The following ZBTB40 variants were observed in gnomAD, a reference collection of about 807,000 sequenced individuals.
ZBTB40 encodes the protein zinc finger and BTB domain-containing protein 40.
ZBTB40 carries 60 observed loss-of-function variants against 117.5 expected under a neutral mutation model. The observed-to-expected ratio is 0.51, with a 90% CI of 0.41 to 0.63. The LOEUF is 0.63. ZBTB40 is among the 30% of genes least tolerant of loss of function. ZBTB40 has a pLI of 0.00. For synonymous variants in ZBTB40, 525 were observed against 577.1 expected, an observed-to-expected ratio of 0.91 and a Z score of 1.29; for missense variants, 1,287 against 1,498.5, an observed-to-expected ratio of 0.86 and a Z score of 2.33.
Position 22,527,706 on chromosome 1 carries a change from CCCTT to C in ZBTB40, c.*1317_*1320del, listed in dbSNP as rs895185787. 3.3e-5 allele frequency: 5 copies of C among 152,414 alleles called. No homozygotes were observed. Among genetic ancestry groups the C allele is most frequent in the African/African-American group, 1.2e-4 (5 of 41,470 alleles). The allele number at this position is 152,414 out of a possible 1,614,324, so 9.4% of individuals were successfully genotyped here. On this transcript the variant is annotated 3_prime_UTR_variant, in exon 18 of 18. Transcript: ENST00000375647. ...CCCACACTGGCAGAGATGGGGCCACCCCTTCCTTCCAGGCACATCTCACATTGCC... is the reference window on the plus strand; with the variant it reads ...CCCACACTGGCAGAGATGGGGCCACCCCTTCCAGGCACATCTCACATTGCC...
intron 1 of ZBTB40, among the ~76,000 whole-genome samples, chr1:22,460,489 G>A (rs905711265): frequency 2.6e-5 from 4 of 151,958 alleles, no homozygotes. Context: ...AAAATACCAG[G>A]CAGTGTACTA....
chr1:22,485,130 GT>G (rs1229517969), intron 1 of ZBTB40, among the ~76,000 whole-genome samples: 1 of 152,148 alleles, frequency 6.6e-6, no homozygotes, highest in East Asian at 1.9e-4. Context: ...TCTCTGTGTG[GT>G]TTTGGTAGAG....
intron 11 of ZBTB40, among the ~76,000 whole-genome samples, chr1:22,512,511 T>G (rs1246707086): frequency 1.3e-5 from 2 of 152,238 alleles, no homozygotes; most frequent in Non-Finnish European, 2.9e-5. Context: ...GTGCCACTTG[T>G]TTCTTGGTAA....
At chr1:22,470,727 A>G (rs535537120) in intron 1 of ZBTB40, among the ~76,000 whole-genome samples, 4 of 152,322 alleles carry the variant, frequency 2.6e-5, no homozygotes, top group African/African-American at 9.6e-5. Context: ...GCCACAGAAG[A>G]GTCTAGGAAC....
At chr1:22,517,603 A>G (rs1569881779) in intron 13 of ZBTB40, 139 bp downstream of exon 13, 1 of 980,960 alleles carries the variant, frequency 1.0e-6, no homozygotes, top group East Asian at 2.6e-5. Flanking sequence ...TGCAAAACCC[A>G]GAGTCCCTCA....
intron 1 of ZBTB40, among the ~76,000 whole-genome samples, chr1:22,460,446 GATAATA>G (rs1462757281): frequency 6.6e-6 from 1 of 152,112 alleles, no homozygotes; most frequent in African/African-American, 2.4e-5. Context: ...ACATCATGTT[GATAATA>G]ATAGTTACCA....
intron 1 of ZBTB40, among the ~76,000 whole-genome samples, chr1:22,475,412 C>T (rs79578091): frequency 0.022 from 3,299 of 152,282 alleles, 86 homozygotes; most frequent in Non-Finnish European, 0.033. Context: ...TCCATAACAG[C>T]GATAGCAGTT....
intron 1 of ZBTB40, among the ~76,000 whole-genome samples, chr1:22,455,540 T>G (rs1640985777): frequency 6.6e-6 from 1 of 152,148 alleles, no homozygotes; most frequent in Admixed American, 6.5e-5. Context: ...TAATGCAATG[T>G]TAAACAACAA....
At chr1:22,450,282 G>T (rs1212196953), upstream of ZBTB40, among the ~76,000 whole-genome samples, 1 of 152,178 alleles carries the variant, frequency 6.6e-6, no homozygotes. Flanking sequence ...CACCTACTAT[G>T]TGCCAAGCAC....
At position 22,522,945 on chromosome 1, in the gene ZBTB40, C is replaced by CTTTTTTTTTTTTTT. The variant is rs34232963; in HGVS notation, c.3298+489_3298+502dup. On this transcript the variant is annotated intron_variant, in intron 16 of 17. Coordinates refer to ENST00000375647, the MANE Select transcript of ZBTB40 (RefSeq NM_014870.4). ...CCATGCTCGACTAAATAAGATGTAC[C>CTTTTTTTTTTTTTT]TTTTTTTTTTTTTTTTTTTTGAGAT... Among the ~76,000 whole-genome samples, 11 of 93,908 alleles carry CTTTTTTTTTTTTTT rather than the reference C, an allele frequency of 1.2e-4. 2 individuals carry two copies. Among genetic ancestry groups the CTTTTTTTTTTTTTT allele is most frequent in the Non-Finnish European group, 2.3e-4 (11 of 48,178 alleles). The allele number at this position is 93,908 out of a possible 152,430, so 61.6% of individuals were successfully genotyped here. A position where few individuals can be genotyped will look rare whatever the true frequency, so the allele number is the denominator to read the frequency against.
At chr1:22,451,098 A>G (rs973451838), upstream of ZBTB40, among the ~76,000 whole-genome samples, 1 of 152,208 alleles carries the variant, frequency 6.6e-6, no homozygotes, top group Non-Finnish European at 1.5e-5. Flanking sequence ...GCTAGGACTA[A>G]ATCCCAAAGC....
At chr1:22,457,767 AT>A (rs1250458375) in intron 1 of ZBTB40, among the ~76,000 whole-genome samples, 2 of 152,210 alleles carry the variant, frequency 1.3e-5, no homozygotes, top group Non-Finnish European at 2.9e-5. Context: ...AGGTGATTCT[AT>A]TTCTTATTTT....
At position 22,491,556 on chromosome 1, in the gene ZBTB40, C is replaced by T. The variant is rs373987648; in HGVS notation, c.831+23C>T. 42 of 1,612,412 alleles carry T rather than the reference C, an allele frequency of 2.6e-5. 1 individual carries two copies. In the African/African-American group the frequency reaches 4.1e-4, roughly 16 times the overall value. ...GAGGTAGGCACCTCTGACTTTTGTA[C>T]TTGTTTGCTAGTTTAGTGTTCTCAG... is the stretch of plus-strand genomic sequence containing the variant. On this transcript the variant is annotated intron_variant, in intron 3 of 17. Coordinates refer to ENST00000375647, the MANE Select transcript of ZBTB40 (RefSeq NM_014870.4).
chr1:22,431,380 G>GTATATATA (rs1299801234), intron 1 of ZBTB40, among the ~76,000 whole-genome samples: 16 of 15,260 alleles, frequency 1.0e-3, no homozygotes, highest in African/African-American at 1.5e-3. Flanking sequence ...GTGTGTGTGT[G>GTATATATA]TGTGTATATA....
chr1:22,469,879 T>C lies in ZBTB40; in HGVS notation c.-70+17875T>C, dbSNP rs116107654. ...TGGCAGTGGATTGGGAAATTTGTAA[T>C]CATATGTTTGCATATATTTTGGGCA... On this transcript the variant is annotated intron_variant, in intron 1 of 17. Coordinates refer to ENST00000375647, the MANE Select transcript of ZBTB40 (RefSeq NM_014870.4). Among the ~76,000 whole-genome samples, 1,356 of 152,316 alleles carry C rather than the reference T, an allele frequency of 8.9e-3. 10 individuals are homozygous for C. Among genetic ancestry groups the C allele is most frequent in the African/African-American group, 0.031 (1,286 of 41,568 alleles).
chr1:22,504,358 C>T (rs748917257), intron 5 of ZBTB40, among the ~76,000 whole-genome samples: 1 of 152,154 alleles, frequency 6.6e-6, no homozygotes, highest in Non-Finnish European at 1.5e-5. Flanking sequence ...ATTACTATAG[C>T]TGTCATTTAT....
At chr1:22,438,856 T>C (rs895122726) in intron 1 of ZBTB40, among the ~76,000 whole-genome samples, 1 of 152,130 alleles carries the variant, frequency 6.6e-6, no homozygotes, top group Non-Finnish European at 1.5e-5. Flanking sequence ...ATTTTTTATT[T>C]CATTTTATTT....
At chr1:22,516,146 G>A (rs1302700503) in intron 12 of ZBTB40, among the ~76,000 whole-genome samples, 1 of 152,156 alleles carries the variant, frequency 6.6e-6, no homozygotes, top group African/African-American at 2.4e-5. Context: ...GAATGATGCT[G>A]CCATTTACTG....
At chr1:22,462,409 C>A (rs542110963) in intron 1 of ZBTB40, among the ~76,000 whole-genome samples, 1 of 152,178 alleles carries the variant, frequency 6.6e-6, no homozygotes, top group Non-Finnish European at 1.5e-5. Context: ...TTATTTAAGG[C>A]CACCAATGTA....
Sources: gnomAD v4.1 joint callset for allele counts (sites outside exome capture counted in the v4.1 genomes callset) on GRCh38, gnomAD v4.1.1 for gene constraint, MANE v1.5 for transcripts, NCBI Gene and HGNC (gene_info 2026-07-23, HGNC 2026-07-21) for gene names.